BYSL: variants seen among roughly 807,000 people sequenced by gnomAD.
The protein encoded by BYSL is bystin.
In BYSL, 21 loss-of-function variants were observed where a neutral mutation model predicts 45.4. The ratio of observed to expected loss-of-function variants is 0.46; its 90% CI spans 0.33 to 0.67. BYSL has a LOEUF of 0.67. Ranked by LOEUF, BYSL falls within the 30% of genes least tolerant of loss-of-function variation. The pLI is 0.02. For missense variants in BYSL, 522 were observed against 578.5 expected (o/e 0.90, Z 1.00); for synonymous variants, 215 against 231.3 (o/e 0.93, Z 0.64).
rs1561945219 is a variant in BYSL, at chr6:41,930,670, G to C, written c.606G>C (p.Lys202Asn). Residue 202 changes from lysine to asparagine, a missense_variant, in exon 4 of 7, where the codon AAG becomes AAC. By Grantham distance (94) the Lys-to-Asn change is moderately conservative. Transcript: ENST00000230340. ...AGTACCGCAGTGGAAAACTGCCCAA[G>C]GCATTTAAGATCATCCCTGCACTCT... Reference protein sequence around the residue: ...LSKYRSGKLPKAFKIIPALSN... With the variant: ...LSKYRSGKLPNAFKIIPALSN... The C allele has an allele frequency of 6.2e-7, 1 of 1,613,700 alleles. No individual in the cohort carries two copies. The highest frequency in any genetic ancestry group is 8.5e-7 in the Non-Finnish European group (1 of 1,179,840).
At position 41,932,637 on chromosome 6, in the gene BYSL, C is replaced by T. The variant is rs149587548; in HGVS notation, c.1245C>T (p.Pro415=). ...TGCAGCCCCATCCACAGCTATCGCC[C>T]GAAATCAGGCGTGAGCTTCAGAGTG... ...LRLQPHPQLS[P]EIRRELQSAV... The change falls in exon 7 of 7, where the codon CCC becomes CCT. Residue 415 remains proline (P), a synonymous_variant. Coordinates refer to ENST00000230340, the MANE Select transcript of BYSL (RefSeq NM_004053.4). The surrounding 1 kb of genome is among the most constrained non-coding windows in gnomAD (Gnocchi z 4.7). 9 of 1,614,048 alleles carry T rather than the reference C, an allele frequency of 5.6e-6. No individual in the cohort carries two copies. Among genetic ancestry groups the T allele is most frequent in the South Asian group, 3.3e-5 (3 of 91,078 alleles).
At chr6:41,921,195 A>C (rs1582068195), upstream of BYSL, 1 of 807,308 alleles carries the variant, frequency 1.2e-6, no homozygotes, top group Admixed American at 3.1e-5. Flanking sequence ...GTGTCTCGGC[A>C]CCCCTCGGTG....
intron 1 of BYSL, among the ~76,000 whole-genome samples, chr6:41,923,153 T>G (rs1463942386): frequency 7.2e-6 from 1 of 139,044 alleles, no homozygotes; most frequent in Non-Finnish European, 1.6e-5. Flanking sequence ...CTTTTTTTTT[T>G]GAGACAGAGT....
At chr6:41,927,633 G>A in intron 2 of BYSL, 97 bp downstream of exon 2, 1 of 1,481,014 alleles carries the variant, frequency 6.8e-7, no homozygotes, top group Non-Finnish European at 9.1e-7. Flanking sequence ...TTTGGAAAGG[G>A]CCCTGGAGTT....
At chr6:41,923,168 C>T (rs999580253) in intron 1 of BYSL, among the ~76,000 whole-genome samples, 1 of 151,338 alleles carries the variant, frequency 6.6e-6, no homozygotes, top group Non-Finnish European at 1.5e-5. Flanking sequence ...CAGAGTCTCT[C>T]TCTCTCTCTG....
intron 3 of BYSL, 113 bp from the exon 4 acceptor site, chr6:41,930,522 T>G: frequency 7.2e-7 from 1 of 1,391,626 alleles, no homozygotes; most frequent in Non-Finnish European, 9.7e-7. Flanking sequence ...CCTTATAGGT[T>G]ATTGTGGGGA....
rs375345757 is a variant in BYSL, at chr6:41,931,638, A to G, written c.865+82A>G. On this transcript the variant is annotated intron_variant, in intron 5 of 6. Coordinates refer to ENST00000230340, the MANE Select transcript of BYSL (RefSeq NM_004053.4). ...AGCAGGCCTGGTGTGGGAAATTGCTAGCTGTCCCTGGGCTGGGTGGGAATG... is the reference window on the plus strand; with the variant it reads ...AGCAGGCCTGGTGTGGGAAATTGCTGGCTGTCCCTGGGCTGGGTGGGAATG... The G allele has an allele frequency of 9.9e-6, 16 of 1,609,130 alleles. No homozygotes were observed. In the African/African-American group the frequency reaches 1.7e-4, roughly 17 times the overall value.
chr6:41,908,904 C>A, the BYSL span: 1 of 304,300 alleles, frequency 3.3e-6, no homozygotes, highest in South Asian at 1.3e-4. Flanking sequence ...GACTGGAGGC[C>A]AGGTGTGTTG....
At chr6:41,930,465 TG>T in intron 3 of BYSL, 169 bp from the exon 4 acceptor site, 1 of 1,216,668 alleles carries the variant, frequency 8.2e-7, no homozygotes, top group Non-Finnish European at 1.1e-6. Flanking sequence ...GGTCGGTTAC[TG>T]GAACTCTCAC....
At chr6:41,919,556 G>A (rs1022109187), upstream of BYSL, among the ~76,000 whole-genome samples, 1 of 152,174 alleles carries the variant, frequency 6.6e-6, no homozygotes, top group African/African-American at 2.4e-5. Context: ...CGCTACAAGT[G>A]ACAGAAGTCC....
Position 41,924,467 on chromosome 6 carries a change from G to A in BYSL, c.268+2637G>A, listed in dbSNP as rs113543850. Among the ~76,000 whole-genome samples the A allele has an allele frequency of 3.3e-3, 499 of 152,266 alleles. 3 individuals are homozygous for A. The highest frequency in any genetic ancestry group is 0.011 in the African/African-American group (459 of 41,552). Reference sequence around the variant, plus strand: ...TGGGTGCGTTCAGGGTGGTATGGTCGTAGACTATCTCCTCCAATTAGAATG... The same window carrying A: ...TGGGTGCGTTCAGGGTGGTATGGTCATAGACTATCTCCTCCAATTAGAATG... On this transcript the variant is annotated intron_variant, in intron 1 of 6. Transcript: ENST00000230340.
intron 1 of BYSL, among the ~76,000 whole-genome samples, chr6:41,923,178 G>C (rs1297674504): frequency 6.7e-6 from 1 of 150,362 alleles, no homozygotes; most frequent in East Asian, 1.9e-4. Context: ...CTCTCTCTCT[G>C]TCACCCAGGA....
At chr6:41,923,734 C>G (rs1284630575) in intron 1 of BYSL, among the ~76,000 whole-genome samples, 1 of 152,080 alleles carries the variant, frequency 6.6e-6, no homozygotes, top group Non-Finnish European at 1.5e-5. Flanking sequence ...TGCACCCTGC[C>G]GTGTCTCATA....
At chr6:41,930,026 T>G (rs1048609203) in intron 2 of BYSL, 106 bp from the exon 3 acceptor site, 42 of 1,430,272 alleles carry the variant, frequency 2.9e-5, no homozygotes, top group Middle Eastern at 3.6e-4. Flanking sequence ...AGGATCGCAG[T>G]ATGGCGGTGC....
upstream of BYSL, chr6:41,917,914 G>C: frequency 2.9e-6 from 1 of 345,768 alleles, no homozygotes; most frequent in East Asian, 8.7e-5. Flanking sequence ...CTATTCAACA[G>C]CCCTAGGAAC....
At chr6:41,915,890 T>C in the BYSL span, among the ~76,000 whole-genome samples, 5 of 152,200 alleles carry the variant, frequency 3.3e-5, no homozygotes, top group Non-Finnish European at 5.9e-5. Flanking sequence ...TGTATGCATA[T>C]ATCCAAACTC....
At chr6:41,913,569 C>G in the BYSL span, among the ~76,000 whole-genome samples, 1 of 152,150 alleles carries the variant, frequency 6.6e-6, no homozygotes, top group Non-Finnish European at 1.5e-5. Context: ...GATAAAAGAG[C>G]TCAGTACAAC....
upstream of BYSL, chr6:41,921,336 G>A: frequency 4.8e-6 from 3 of 631,226 alleles, no homozygotes; most frequent in South Asian, 2.1e-5. Context: ...GCACTATTGA[G>A]AGAAGCTAAC....
At chr6:41,926,483 G>T (rs894326615) in intron 1 of BYSL, among the ~76,000 whole-genome samples, 1 of 151,368 alleles carries the variant, frequency 6.6e-6, no homozygotes, top group East Asian at 2.0e-4. Flanking sequence ...ACGGAGTCTC[G>T]CTTTGTCACC....
Sources: allele counts gnomAD v4.1 joint callset (sites outside exome capture counted in the v4.1 genomes callset), GRCh38; gene constraint gnomAD v4.1.1; non-coding constraint Gnocchi (gnomAD v3.1); transcripts MANE v1.5; gene names NCBI Gene and HGNC (gene_info 2026-07-23, HGNC 2026-07-21).